The following SCAPER variants were observed in gnomAD, a reference collection of about 807,000 sequenced individuals.
The protein encoded by SCAPER is S phase cyclin A-associated protein in the endoplasmic reticulum.
A neutral mutation model predicts 182.2 loss-of-function variants in SCAPER; 98 were observed. The ratio of observed to expected loss-of-function variants is 0.54; its 90% CI spans 0.46 to 0.64. SCAPER has a LOEUF of 0.64. Ranked by LOEUF, SCAPER falls within the 30% of genes least tolerant of loss-of-function variation. The pLI is 0.00. For missense variants in SCAPER, 1,432 were observed against 1,690.0 expected (o/e 0.85, Z 2.68); for synonymous variants, 605 against 564.6 (o/e 1.07, Z -1.01).
intron 9 of SCAPER, among the ~76,000 whole-genome samples, chr15:76,772,599 T>A (rs940897048): frequency 6.6e-6 from 1 of 151,974 alleles, no homozygotes; most frequent in Non-Finnish European, 1.5e-5. Flanking sequence ...ATTATGACAT[T>A]CATACACTTT....
At chr15:76,797,227 T>C (rs1241694261) in intron 7 of SCAPER, 1 of 152,130 alleles carries the variant, frequency 6.6e-6, no homozygotes, top group African/African-American at 2.4e-5. Flanking sequence ...TACCAACCCT[T>C]CCATTAAACA....
At chr15:76,630,522 T>C (rs572328217) in intron 21 of SCAPER, among the ~76,000 whole-genome samples, 2 of 152,292 alleles carry the variant, frequency 1.3e-5, no homozygotes, top group African/African-American at 4.8e-5. Flanking sequence ...TGGTTTCAAA[T>C]AATTTCTTAA....
rs557198037 is a variant in SCAPER at position 76,575,848 on chromosome 15, G to C, written c.2712-1564C>G. ...AAGCTTTACAAGGGAATTTCCTGAA[G>C]TGATAGAAATATTCTGTGTTTTTAC... On this transcript the variant is annotated intron_variant, in intron 22 of 31. Coordinates refer to ENST00000563290, the MANE Select transcript of SCAPER (RefSeq NM_020843.4). Among the ~76,000 whole-genome samples, 3 of 152,322 alleles carry C rather than the reference G, an allele frequency of 2.0e-5. No individual in the cohort carries two copies. The South Asian group carries it at 6.2e-4, about 32-fold the overall frequency.
At chr15:76,460,945 T>C (rs2049123756) in intron 25 of SCAPER, among the ~76,000 whole-genome samples, 1 of 152,148 alleles carries the variant, frequency 6.6e-6, no homozygotes, top group African/African-American at 2.4e-5. Flanking sequence ...TGAACTTATC[T>C]ACAGACCTTA....
intron 18 of SCAPER, among the ~76,000 whole-genome samples, chr15:76,705,427 T>G (rs1165935542): frequency 6.6e-6 from 1 of 150,820 alleles, no homozygotes; most frequent in Admixed American, 6.6e-5. Context: ...AGGGATATCA[T>G]TAGGAGATAT....
In SCAPER at chr15:76,899,149, GCTCTCC is replaced by G. The variant is rs988558334; in HGVS notation, c.-60+6144_-60+6149del. On this transcript the variant is annotated intron_variant, in intron 1 of 31. Transcript: ENST00000563290. ...GTCAATATACAAGAAATATGGATAT[GCTCTCC>G]CTCTCCCTCTCGCTCTCCGTCTCCC... is the stretch of plus-strand genomic sequence containing the variant. Among the ~76,000 whole-genome samples, 11 of 152,064 alleles carry G rather than the reference GCTCTCC, an allele frequency of 7.2e-5. No individual in the cohort carries two copies. The South Asian group carries it at 1.7e-3, about 23-fold the overall frequency.
chr15:76,702,729 G>A, intron 19 of SCAPER, 121 bp downstream of exon 19: 4 of 1,150,018 alleles, frequency 3.5e-6, no homozygotes, highest in Non-Finnish European at 4.9e-6. Context: ...AATTACAGGT[G>A]TGAGCTGCCA....
Position 76,354,215 on chromosome 15 carries a change from C to G in SCAPER, c.3856-75G>C. On this transcript the variant is annotated intron_variant, in intron 29 of 31. Coordinates refer to ENST00000563290, the MANE Select transcript of SCAPER (RefSeq NM_020843.4). The surrounding 1 kb of genome is among the most constrained non-coding windows in gnomAD (Gnocchi z 4.4). ...CCCTCACCCACCTGCACAGTGTCGG[C>G]TAGTACCATGGAAAACATGCTGAAG... 1.5e-6 allele frequency: 2 copies of G among 1,369,836 alleles called. No homozygotes were observed. The highest frequency in any genetic ancestry group is 2.0e-6 in the Non-Finnish European group (2 of 1,018,380). The allele number at this position is 1,369,836 out of a possible 1,614,324, so 84.9% of individuals were successfully genotyped here. A position where few individuals can be genotyped will look rare whatever the true frequency, so the allele number is the denominator to read the frequency against.
intron 14 of SCAPER, among the ~76,000 whole-genome samples, chr15:76,762,994 T>C (rs1484990): frequency 0.43 from 64,954 of 152,004 alleles, 14,273 homozygotes; most frequent in East Asian, 0.59. Flanking sequence ...CAGTTATTTC[T>C]GTACCACCCT....
intron 31 of SCAPER, chr15:76,350,657 C>G (rs369124595): frequency 3.3e-5 from 5 of 152,262 alleles, no homozygotes; most frequent in African/African-American, 1.2e-4. Context: ...TTCTACATCT[C>G]TAACTCTGAT....
At chr15:76,849,747 G>A (rs2070516585) in intron 4 of SCAPER, among the ~76,000 whole-genome samples, 1 of 152,342 alleles carries the variant, frequency 6.6e-6, no homozygotes, top group African/African-American at 2.4e-5. Flanking sequence ...ATACGCTGCT[G>A]TGTTAGTCCG....
In SCAPER at chr15:76,675,061, A is replaced by G. The variant is rs114145020; in HGVS notation, c.2509-9272T>C. Among the ~76,000 whole-genome samples, 1,109 of 152,332 alleles carry G rather than the reference A, an allele frequency of 7.3e-3. 17 individuals carry two copies. Among genetic ancestry groups the G allele is most frequent in the African/African-American group, 0.025 (1,054 of 41,566 alleles). ...CTTATGGAGAGCGGATGGAATGCCA[A>G]TGAGGCAGGATTTACCACAAGTTTA... is the stretch of plus-strand genomic sequence containing the variant. On this transcript the variant is annotated intron_variant, in intron 20 of 31. Transcript: ENST00000563290.
intron 5 of SCAPER, among the ~76,000 whole-genome samples, chr15:76,840,965 G>C (rs1016078875): frequency 1.3e-5 from 2 of 152,156 alleles, no homozygotes; most frequent in Non-Finnish European, 2.9e-5. Flanking sequence ...CCTGACCAAA[G>C]TGAATTAGAA....
chr15:76,600,387 ATGTGTGTGTGTGTG>A (rs60494575), intron 22 of SCAPER, among the ~76,000 whole-genome samples: 1,395 of 88,718 alleles, frequency 0.016, 363 homozygotes, highest in Non-Finnish European at 0.023. Flanking sequence ...GTGTGTGTAT[ATGTGTGTGTGTGTG>A]TGTGTGTGTG....
At chr15:76,713,203 T>C (rs1567886319) in intron 17 of SCAPER, among the ~76,000 whole-genome samples, 1 of 152,088 alleles carries the variant, frequency 6.6e-6, no homozygotes, top group Non-Finnish European at 1.5e-5. Context: ...AGTTCAACCA[T>C]TGTGGAAGTC....
chr15:76,863,605 G>C (rs915670138), intron 2 of SCAPER, among the ~76,000 whole-genome samples: 1 of 152,178 alleles, frequency 6.6e-6, no homozygotes, highest in Non-Finnish European at 1.5e-5. Flanking sequence ...AAGCAAACAT[G>C]TAAGAGTAAA....
chr15:76,715,641 C>T (rs1395694148), intron 17 of SCAPER, among the ~76,000 whole-genome samples: 2 of 152,036 alleles, frequency 1.3e-5, no homozygotes, highest in African/African-American at 2.4e-5. Context: ...CCCAAGTGAC[C>T]ACCACATGCT....
chr15:76,743,219 A>T (rs2061637601), intron 15 of SCAPER, among the ~76,000 whole-genome samples: 1 of 152,136 alleles, frequency 6.6e-6, no homozygotes, highest in Admixed American at 6.5e-5. Context: ...GAATAAGGAA[A>T]AAAATACCAT....
chr15:76,783,626 G>A (rs867050270), intron 8 of SCAPER, among the ~76,000 whole-genome samples: 3 of 151,252 alleles, frequency 2.0e-5, no homozygotes, highest in Non-Finnish European at 4.4e-5. Context: ...ACATTGATGC[G>A]AAAATCCTCA....
Sources: allele counts gnomAD v4.1 joint callset (sites outside exome capture counted in the v4.1 genomes callset), GRCh38; gene constraint gnomAD v4.1.1; non-coding constraint Gnocchi (gnomAD v3.1); transcripts MANE v1.5; gene names NCBI Gene and HGNC (gene_info 2026-07-23, HGNC 2026-07-21).